Variants in ZNF280D observed in about 807,000 individuals in gnomAD.
The protein encoded by ZNF280D is suppressor of hairy wing homolog 4.
Under a neutral mutation model 94.7 loss-of-function variants are expected in ZNF280D, and 39 were observed. That is an observed-to-expected ratio of 0.41 (90% confidence interval 0.32 to 0.54). The LOEUF (loss-of-function observed/expected upper bound fraction) is 0.54, where lower values mean the gene tolerates loss of function less well. Ranked by LOEUF, ZNF280D falls within the 20% of genes least tolerant of loss-of-function variation. The pLI, the probability that ZNF280D is intolerant of heterozygous loss-of-function variation, is 0.22. For missense variants in ZNF280D, 1,090 were observed against 1,149.3 expected, an observed-to-expected ratio of 0.95 and a Z score of 0.75; for synonymous variants, 398 against 377.6, an observed-to-expected ratio of 1.05 and a Z score of -0.63.
At position 56,630,902 on chromosome 15, in the gene ZNF280D, G is replaced by A. The variant is rs889645107; in HGVS notation, c.*596C>T. 3.9e-5 allele frequency: 6 copies of A among 152,294 alleles called. No homozygotes were observed. The highest frequency in any genetic ancestry group is 9.7e-5 in the African/African-American group (4 of 41,416). 9.4% of individuals were successfully genotyped at this position (152,294 alleles called of 1,614,324 possible). On this transcript the variant is annotated 3_prime_UTR_variant, in exon 22 of 22. Coordinates refer to ENST00000267807, the MANE Select transcript of ZNF280D (RefSeq NM_017661.4). Reference sequence around the variant, plus strand: ...AGATTCAAATATTCTGTTTACATGCGTCTGACTGGAATGTTATATTAAATC... The same window carrying A: ...AGATTCAAATATTCTGTTTACATGCATCTGACTGGAATGTTATATTAAATC...
chr15:56,697,555 A>G (rs2056829196), intron 6 of ZNF280D, among the ~76,000 whole-genome samples: 1 of 152,202 alleles, frequency 6.6e-6, no homozygotes, highest in Admixed American at 6.5e-5. Context: ...GAGACTCAGC[A>G]GTCTCCCTTA....
intron 16 of ZNF280D, among the ~76,000 whole-genome samples, chr15:56,662,241 A>G (rs1009540037): frequency 3.9e-5 from 6 of 152,180 alleles, no homozygotes; most frequent in African/African-American, 1.4e-4. Flanking sequence ...CCTAAAAGCT[A>G]TAAGCCAATA....
intron 3 of ZNF280D, among the ~76,000 whole-genome samples, chr15:56,706,652 A>G (rs2057420975): frequency 6.6e-6 from 1 of 151,982 alleles, no homozygotes; most frequent in Non-Finnish European, 1.5e-5. Context: ...AAGCCACCCA[A>G]TCTGTGGTAC....
intron 6 of ZNF280D, among the ~76,000 whole-genome samples, chr15:56,696,214 C>A (rs2056738135): frequency 6.6e-6 from 1 of 152,108 alleles, no homozygotes; most frequent in African/African-American, 2.4e-5. Flanking sequence ...AATCTTACTT[C>A]AAAGTAAACA....
intron 1 of ZNF280D, among the ~76,000 whole-genome samples, chr15:56,709,850 GC>G (rs2057656668): frequency 6.6e-6 from 1 of 152,108 alleles, no homozygotes; most frequent in African/African-American, 2.4e-5. Flanking sequence ...ACACACCGGG[GC>G]CTGTCGTTGG....
At chr15:56,717,873 G>A (rs1008826889) in intron 1 of ZNF280D, among the ~76,000 whole-genome samples, 7 of 152,026 alleles carry the variant, frequency 4.6e-5, no homozygotes, top group African/African-American at 1.7e-4. Context: ...ATTACAGGGA[G>A]GCAGACTTCA....
intron 1 of ZNF280D, among the ~76,000 whole-genome samples, chr15:56,711,491 C>T (rs535607401): frequency 2.6e-5 from 4 of 151,950 alleles, no homozygotes; most frequent in South Asian, 4.2e-4. Flanking sequence ...ATGGTGAAAC[C>T]GGGACTCTAC....
chr15:56,733,373 G>C, intron 1 of ZNF280D, 85 bp downstream of exon 1: 1 of 816,610 alleles, frequency 1.2e-6, no homozygotes. Flanking sequence ...CCAGTCCAGC[G>C]CCCCCGGAGT....
intron 1 of ZNF280D, among the ~76,000 whole-genome samples, chr15:56,719,257 C>T (rs2058210293): frequency 6.6e-6 from 1 of 152,022 alleles, no homozygotes; most frequent in Non-Finnish European, 1.5e-5. Flanking sequence ...AAATCCCTCA[C>T]CAATGGCTTG....
Position 56,707,149 on chromosome 15 carries a change from T to C in ZNF280D, c.-40A>G, listed in dbSNP as rs1469833414. ...GACTTTCTGTAAATTGTCACCTAAG[T>C]ACTGACACATGATATCAGTCAATTT... is the stretch of plus-strand genomic sequence containing the variant. On this transcript the variant is annotated splice_region_variant and 5_prime_UTR_variant, in exon 3 of 22. Coordinates refer to ENST00000267807, the MANE Select transcript of ZNF280D (RefSeq NM_017661.4). 1.2e-6 allele frequency: 2 copies of C among 1,613,582 alleles called. No individual in the cohort carries two copies. Among genetic ancestry groups the C allele is most frequent in the South Asian group, 2.2e-5 (2 of 91,076 alleles).
At chr15:56,727,935 A>G (rs1298235491) in intron 1 of ZNF280D, among the ~76,000 whole-genome samples, 33 of 152,260 alleles carry the variant, frequency 2.2e-4, no homozygotes, top group African/African-American at 7.0e-4. Context: ...TCATCACACA[A>G]TATTTTTACA....
At chr15:56,718,356 T>C (rs1318573325) in intron 1 of ZNF280D, among the ~76,000 whole-genome samples, 1 of 152,190 alleles carries the variant, frequency 6.6e-6, no homozygotes, top group East Asian at 1.9e-4. Context: ...AATTTCATTT[T>C]AATAAAGATG....
In ZNF280D at chr15:56,716,636, C is replaced by T. The variant is rs74015870; in HGVS notation, c.-85-9330G>A. Among the ~76,000 whole-genome samples the T allele has an allele frequency of 9.1e-4, 138 of 152,030 alleles. 1 individual carries two copies. Among genetic ancestry groups the T allele is most frequent in the African/African-American group, 3.2e-3 (134 of 41,516 alleles). ...CCTTATCCTAAGAACAATGAAAAAC[C>T]ACTGAGGGATTTTAAGTGGGGACTG... On this transcript the variant is annotated intron_variant, in intron 1 of 21. Coordinates refer to ENST00000267807, the MANE Select transcript of ZNF280D (RefSeq NM_017661.4).
At chr15:56,648,969 G>A (rs1451413543) in intron 19 of ZNF280D, among the ~76,000 whole-genome samples, 1 of 152,032 alleles carries the variant, frequency 6.6e-6, no homozygotes, top group East Asian at 1.9e-4. Context: ...TAGAACACCA[G>A]GGTATGATTT....
At chr15:56,710,371 G>A (rs919179959) in intron 1 of ZNF280D, among the ~76,000 whole-genome samples, 1 of 151,722 alleles carries the variant, frequency 6.6e-6, no homozygotes, top group Non-Finnish European at 1.5e-5. Context: ...CTGCACCACT[G>A]TACTCCAGCC....
At chr15:56,724,056 G>C (rs2058511279) in intron 1 of ZNF280D, among the ~76,000 whole-genome samples, 1 of 152,028 alleles carries the variant, frequency 6.6e-6, no homozygotes, top group African/African-American at 2.4e-5. Flanking sequence ...TTGCTGCCTA[G>C]TATCACAATA....
intron 1 of ZNF280D, among the ~76,000 whole-genome samples, chr15:56,718,627 AG>A (rs1403986090): frequency 1.8e-4 from 27 of 152,340 alleles, no homozygotes; most frequent in African/African-American, 6.0e-4. Context: ...CACAGGGTAC[AG>A]GGAATATCTT....
chr15:56,630,226 T>C lies in ZNF280D; in HGVS notation c.*1272A>G, dbSNP rs1739660390. 6.6e-6 allele frequency: 1 copy of C among 152,086 alleles called. No individual in the cohort carries two copies. Among genetic ancestry groups the C allele is most frequent in the African/African-American group, 2.4e-5 (1 of 41,444 alleles). 9.4% of individuals were successfully genotyped at this position (152,086 alleles called of 1,614,324 possible). On this transcript the variant is annotated 3_prime_UTR_variant, in exon 22 of 22. Transcript: ENST00000267807. ...AAATATTTACTCAAAAACTACTATA[T>C]ACAGCAGAGTATTTTAATCGCCATT...
chr15:56,666,882 T>C lies in ZNF280D; in HGVS notation c.1650A>G (p.Lys550=). ...TTGCAGGATTTTTAGCAGTTATATT[T>C]TTAGTCCTTGGAGGTGAGAGCTGAA... is the stretch of plus-strand genomic sequence containing the variant. ...STLQLSPPRT[K]NITAKNPAKS... is the part of the protein sequence containing the mutation. The change falls in exon 15 of 22, where the codon AAA becomes AAG. Residue 550 remains lysine (K), a synonymous_variant. Transcript: ENST00000267807. 4 of 1,613,916 alleles carry C rather than the reference T, an allele frequency of 2.5e-6. No homozygotes were observed. The highest frequency in any genetic ancestry group is 3.3e-5 in the Admixed American group (2 of 59,972).
Sources: allele counts gnomAD v4.1 joint callset (sites outside exome capture counted in the v4.1 genomes callset), GRCh38; gene constraint gnomAD v4.1.1; transcripts MANE v1.5; gene names NCBI Gene and HGNC (gene_info 2026-07-23, HGNC 2026-07-21).